The following GPR32 variants were observed in gnomAD, a reference collection of about 807,000 sequenced individuals.
The protein encoded by GPR32 is probable G protein-coupled receptor 32.
For synonymous variants in GPR32, 215 were observed against 195.3 expected, an observed-to-expected ratio of 1.10 and a Z score of -0.84; for missense variants, 433 against 454.1, an observed-to-expected ratio of 0.95 and a Z score of 0.42.
Position 50,770,938 on chromosome 19 carries a change from C to T in GPR32, c.338C>T (p.Ala113Val), listed in dbSNP as rs779724333. The change falls in exon 1 of 1, where the codon GCC (alanine) becomes GTC (valine). Residue 113 changes from alanine (A) to valine (V), a missense_variant. Coordinates refer to ENST00000270590, the MANE Select transcript of GPR32 (RefSeq NM_001506.2). ...AGGCAGTGGCTCCTCGGAGAGTGGG[C>T]CTGCAAACTCTACATCACCTTTGTG... Reference protein sequence around the residue: ...VSRQWLLGEWACKLYITFVFL... With the variant: ...VSRQWLLGEWVCKLYITFVFL... 6.2e-7 allele frequency: 1 copy of T among 1,614,090 alleles called. No homozygotes were observed. Among genetic ancestry groups the T allele is most frequent in the Non-Finnish European group, 8.5e-7 (1 of 1,179,966 alleles).
Position 50,771,033 on chromosome 19 carries a change from T to C in GPR32, c.433T>C (p.Tyr145His). 5 of 1,614,174 alleles carry C rather than the reference T, an allele frequency of 3.1e-6. No individual in the cohort carries two copies. Among genetic ancestry groups the C allele is most frequent in the Non-Finnish European group, 4.2e-6 (5 of 1,180,028 alleles). Residue 145 changes from tyrosine to histidine, a missense_variant, in exon 1 of 1, where the codon TAC (tyrosine) becomes CAC (histidine). Transcript: ENST00000270590. ...TGTGGACCGTTGCATCTCTGTCCTC[T>C]ACCCCGTCTGGGCCCTGAACCACCG... Reference protein sequence around the residue: ...ISVDRCISVLYPVWALNHRTV... With the variant: ...ISVDRCISVLHPVWALNHRTV...
the GPR32 span, chr19:50,770,661 C>CG: frequency 6.2e-7 from 1 of 1,613,594 alleles, no homozygotes; most frequent in Non-Finnish European, 8.5e-7. Flanking sequence ...GGTCCTGACA[C>CG]GTGATCGCTC....
chr19:50,770,635 G>T lies in GPR32; in HGVS notation c.35G>T (p.Ser12Ile). 1 of 1,609,374 alleles carries T rather than the reference G, an allele frequency of 6.2e-7. No individual in the cohort carries two copies. Residue 12 changes from serine (S) to isoleucine (I), a missense_variant, in exon 1 of 1, where the codon AGT (serine) becomes ATT (isoleucine). Physicochemically the swap from Ser to Ile is moderately radical, Grantham distance 142. Coordinates refer to ENST00000270590, the MANE Select transcript of GPR32 (RefSeq NM_001506.2). Reference protein sequence around the residue: ...NGVSEGTRGCSDRQPGVLTRD... With the variant: ...NGVSEGTRGCIDRQPGVLTRD... ...GTCTCGGAGGGGACCAGAGGCTGCA[G>T]TGACAGGCAACCTGGGGTCCTGACA... is the stretch of plus-strand genomic sequence containing the variant.
rs1005579709 is a variant in GPR32 at position 50,770,621 on chromosome 19, G to T, written c.21G>T (p.Gly7=). The change falls in exon 1 of 1, where the codon GGG becomes GGT. Residue 7 remains glycine (G), a synonymous_variant. Coordinates refer to ENST00000270590, the MANE Select transcript of GPR32 (RefSeq NM_001506.2). The part of the protein sequence containing the change: MNGVSE[G]TRGCSDRQPG... ...AAATCATGAATGGGGTCTCGGAGGG[G>T]ACCAGAGGCTGCAGTGACAGGCAAC... is the stretch of plus-strand genomic sequence containing the variant. The T allele has an allele frequency of 1.9e-6, 3 of 1,602,408 alleles. No homozygotes were observed. Among genetic ancestry groups the T allele is most frequent in the African/African-American group, 2.7e-5 (2 of 74,728 alleles).
Position 50,771,121 on chromosome 19 carries a change from C to T in GPR32, c.521C>T (p.Ser174Phe). Residue 174 changes from serine to phenylalanine, a missense_variant, in exon 1 of 1, where the codon TCT (serine) becomes TTT (phenylalanine). By Grantham distance (155) the Ser-to-Phe change is radical (BLOSUM62 -2). Transcript: ENST00000270590. ...GVWLLAAALC[S>F]AHLKFRTTRK... ...TGGCTCCTGGCCGCCGCCTTGTGCT[C>T]TGCGCACCTGAAATTCCGGACAACC... The T allele has an allele frequency of 6.2e-7, 1 of 1,614,222 alleles. No homozygotes were observed. Among genetic ancestry groups the T allele is most frequent in the Non-Finnish European group, 8.5e-7 (1 of 1,180,054 alleles).
rs760454121 is a variant in GPR32 at position 50,770,557 on chromosome 19, T to G, written c.-44T>G. ...GAGCATGACGCTGTCTCTAAAAGAATAATAATAATAAGCATTCCATAAAAA... is the reference window on the plus strand; with the variant it reads ...GAGCATGACGCTGTCTCTAAAAGAAGAATAATAATAAGCATTCCATAAAAA... On this transcript the variant is annotated 5_prime_UTR_variant, in exon 1 of 1. It removes the in-frame stop codon of an upstream open reading frame in the 5' UTR. Coordinates refer to ENST00000270590, the MANE Select transcript of GPR32 (RefSeq NM_001506.2). 30 of 1,255,948 alleles carry G rather than the reference T, an allele frequency of 2.4e-5. No homozygotes were observed. Among genetic ancestry groups the G allele is most frequent in the Non-Finnish European group, 3.3e-5 (30 of 906,694 alleles). 77.8% of individuals were successfully genotyped at this position (1,255,948 alleles called of 1,614,324 possible).
chr19:50,771,139 G>A lies in GPR32; in HGVS notation c.539G>A (p.Arg180Gln). The change falls in exon 1 of 1, where the codon CGG (arginine) becomes CAG (glutamine). Residue 180 changes from arginine to glutamine, a missense_variant. Physicochemically the swap from Arg to Gln is conservative, Grantham distance 43. Transcript: ENST00000270590. Reference sequence around the variant, plus strand: ...TTGTGCTCTGCGCACCTGAAATTCCGGACAACCAGAAAATGGAATGGCTGT... The same window carrying A: ...TTGTGCTCTGCGCACCTGAAATTCCAGACAACCAGAAAATGGAATGGCTGT... ...AALCSAHLKFRTTRKWNGCTH... is the reference protein window; with the variant it reads ...AALCSAHLKFQTTRKWNGCTH... 1 of 1,614,130 alleles carries A rather than the reference G, an allele frequency of 6.2e-7. No homozygotes were observed. Among genetic ancestry groups the A allele is most frequent in the Non-Finnish European group, 8.5e-7 (1 of 1,180,036 alleles).
the GPR32 span, chr19:50,771,472 AC>A: frequency 6.2e-7 from 1 of 1,613,976 alleles, no homozygotes; most frequent in Non-Finnish European, 8.5e-7. Context: ...GAAATCTACC[AC>A]CCCCGGATGC....
At position 50,771,329 on chromosome 19, in the gene GPR32, C is replaced by T. The variant is rs755367800; in HGVS notation, c.729C>T (p.Leu243=). The change falls in exon 1 of 1, where the codon CTC becomes CTT. Residue 243 remains leucine, a synonymous_variant. Coordinates refer to ENST00000270590, the MANE Select transcript of GPR32 (RefSeq NM_001506.2). The part of the protein sequence containing the change: ...GTCAHLIRAK[L]LREGWVHANR... Reference sequence around the variant, plus strand: ...GCGCCCACCTCATCCGGGCCAAGCTCTTGCGGGAGGGCTGGGTCCATGCCA... The same window carrying T: ...GCGCCCACCTCATCCGGGCCAAGCTTTTGCGGGAGGGCTGGGTCCATGCCA... 1.2e-6 allele frequency: 2 copies of T among 1,614,160 alleles called. No homozygotes were observed. Among genetic ancestry groups the T allele is most frequent in the South Asian group, 2.2e-5 (2 of 91,086 alleles).
Position 50,771,578 on chromosome 19 carries a change from G to A in GPR32, c.978G>A (p.Lys326=). ...YVFVGRDFQE[K]FFQSLTSALA... ...TCGTTGGCAGAGATTTCCAAGAAAA[G>A]TTTTTCCAGTCTTTGACTTCTGCCC... The change falls in exon 1 of 1, where the codon AAG becomes AAA. Residue 326 remains lysine, a synonymous_variant. Transcript: ENST00000270590. 6.2e-7 allele frequency: 1 copy of A among 1,614,162 alleles called. No homozygotes were observed. The highest frequency in any genetic ancestry group is 8.5e-7 in the Non-Finnish European group (1 of 1,180,010).
Sources: allele counts gnomAD v4.1 joint callset, GRCh38; gene constraint gnomAD v4.1.1; transcripts MANE v1.5; gene names NCBI Gene and HGNC (gene_info 2026-07-23, HGNC 2026-07-21).